The following BAZ2B variants were observed in gnomAD, a reference collection of about 807,000 sequenced individuals.
BAZ2B encodes bromodomain adjacent to zinc finger domain 2B, also known as bromodomain adjacent to zinc finger domain protein 2B.
Under a neutral mutation model 246.0 loss-of-function variants are expected in BAZ2B, and 91 were observed. That is an observed-to-expected ratio of 0.37 (90% CI 0.31 to 0.44). BAZ2B has a LOEUF of 0.44. BAZ2B is among the 20% of genes least tolerant of loss of function. The pLI, the probability that BAZ2B is intolerant of heterozygous loss-of-function variation, is 1.00. For missense variants in BAZ2B, 2,332 were observed against 2,533.7 expected (o/e 0.92, Z 1.71); for synonymous variants, 855 against 860.0 (o/e 0.99, Z 0.10).
chr2:159,448,545 A>C, intron 4 of BAZ2B, 136 bp from the exon 5 acceptor site: 2 of 1,024,116 alleles, frequency 2.0e-6, no homozygotes, highest in South Asian at 3.9e-5. Context: ...CATACTTCTG[A>C]TCATTTTCCT....
At chr2:159,361,149 T>C (rs1249495238) in intron 27 of BAZ2B, among the ~76,000 whole-genome samples, 1 of 152,104 alleles carries the variant, frequency 6.6e-6, no homozygotes, top group Non-Finnish European at 1.5e-5. Context: ...GAAACTATCA[T>C]CAGAGTGAAC....
chr2:159,688,889 C>T, the BAZ2B span, among the ~76,000 whole-genome samples: 66 of 152,226 alleles, frequency 4.3e-4, no homozygotes, highest in African/African-American at 1.4e-3. Flanking sequence ...TGAATCCTGT[C>T]GAGATGCATG....
chr2:159,500,645 T>C (rs1318507925), intron 2 of BAZ2B, among the ~76,000 whole-genome samples: 1 of 152,156 alleles, frequency 6.6e-6, no homozygotes, highest in Non-Finnish European at 1.5e-5. Context: ...TAATATCACC[T>C]GCATTAAAAT....
At chr2:159,660,395 G>T in the BAZ2B span, among the ~76,000 whole-genome samples, 68 of 152,078 alleles carry the variant, frequency 4.5e-4, no homozygotes, top group African/African-American at 1.5e-3. Flanking sequence ...TCCATCTTTT[G>T]GCCATTATGA....
chr2:159,552,603 T>C (rs2088442988), intron 2 of BAZ2B, among the ~76,000 whole-genome samples: 1 of 152,218 alleles, frequency 6.6e-6, no homozygotes, highest in Non-Finnish European at 1.5e-5. Context: ...ACTTGAACTC[T>C]ATAGGTTCTA....
chr2:159,709,223 G>A, the BAZ2B span, among the ~76,000 whole-genome samples: 41 of 151,842 alleles, frequency 2.7e-4, no homozygotes, highest in African/African-American at 8.9e-4. Context: ...GGAGGCCGAG[G>A]CAGGCAGATC....
the BAZ2B span, among the ~76,000 whole-genome samples, chr2:159,677,655 G>A: frequency 2.0e-5 from 3 of 152,098 alleles, no homozygotes; most frequent in Non-Finnish European, 2.9e-5. Context: ...ACAATGGAGA[G>A]TCATTCAAAG....
chr2:159,426,275 A>C (rs1196906053), intron 13 of BAZ2B, among the ~76,000 whole-genome samples: 15 of 152,302 alleles, frequency 9.8e-5, no homozygotes, highest in African/African-American at 3.4e-4. Flanking sequence ...CTGATATAAA[A>C]CTAAAAATCC....
At chr2:159,475,162 C>G (rs1033456689) in intron 3 of BAZ2B, among the ~76,000 whole-genome samples, 11 of 152,158 alleles carry the variant, frequency 7.2e-5, no homozygotes, top group African/African-American at 2.4e-4. Context: ...CAACTTGGTT[C>G]CGTTCTCTTT....
chr2:159,476,880 A>G (rs1366827657), intron 3 of BAZ2B, among the ~76,000 whole-genome samples: 1 of 152,246 alleles, frequency 6.6e-6, no homozygotes, highest in Non-Finnish European at 1.5e-5. Flanking sequence ...ATTTTTGAGC[A>G]CAGTATATCA....
chr2:159,697,982 G>A, the BAZ2B span, among the ~76,000 whole-genome samples: 1 of 152,086 alleles, frequency 6.6e-6, no homozygotes, highest in African/African-American at 2.4e-5. Flanking sequence ...GCCTCCCTCA[G>A]CTTTTGTTTT....
chr2:159,473,554 A>C (rs1047983849), intron 3 of BAZ2B, among the ~76,000 whole-genome samples: 1 of 151,578 alleles, frequency 6.6e-6, no homozygotes, highest in African/African-American at 2.4e-5. Context: ...TTGTTTCTCT[A>C]TCTCCTTCAG....
At position 159,348,725 on chromosome 2, in the gene BAZ2B, T is replaced by C. The variant is rs2058243491; in HGVS notation, c.5246A>G (p.Gln1749Arg). The C allele has an allele frequency of 6.2e-7, 1 of 1,612,686 alleles. No homozygotes were observed. Among genetic ancestry groups the C allele is most frequent in the Non-Finnish European group, 8.5e-7 (1 of 1,179,666 alleles). Residue 1749 changes from glutamine to arginine, a missense_variant, in exon 30 of 37, where the codon CAG becomes CGG. Transcript: ENST00000392783. The part of the protein sequence containing the change: ...IREKALQKQI[Q>R]KHLDYITQAC... ...TTGAGTAATATAATCCAAATGTTTCTGAATTTGTTTTTGTAATGCCTTTTC... is the reference window on the plus strand; with the variant it reads ...TTGAGTAATATAATCCAAATGTTTCCGAATTTGTTTTTGTAATGCCTTTTC...
At chr2:159,627,147 A>G in the BAZ2B span, among the ~76,000 whole-genome samples, 1 of 152,154 alleles carries the variant, frequency 6.6e-6, no homozygotes, top group Non-Finnish European at 1.5e-5. Flanking sequence ...ATAGACCAAT[A>G]ACAAGTTTTG....
chr2:159,411,905 AC>A (rs1305877466), intron 14 of BAZ2B: 9 of 979,922 alleles, frequency 9.2e-6, no homozygotes, highest in Non-Finnish European at 1.1e-5. Flanking sequence ...GGGGTTACTT[AC>A]CAGTAATTGG....
chr2:159,576,683 G>GC (rs1685386177), intron 1 of BAZ2B, among the ~76,000 whole-genome samples: 1 of 151,612 alleles, frequency 6.6e-6, no homozygotes, highest in Admixed American at 6.6e-5. Context: ...GGAGGCTGAG[G>GC]CAGGTGGATC....
At chr2:159,473,123 G>T (rs183911572) in intron 3 of BAZ2B, among the ~76,000 whole-genome samples, 1 of 151,802 alleles carries the variant, frequency 6.6e-6, no homozygotes, top group Non-Finnish European at 1.5e-5. Context: ...CCTGGGCTTC[G>T]TTTGGTTGGT....
At chr2:159,472,869 C>T (rs1295320097) in intron 3 of BAZ2B, among the ~76,000 whole-genome samples, 2 of 152,156 alleles carry the variant, frequency 1.3e-5, no homozygotes, top group African/African-American at 4.8e-5. Flanking sequence ...TTTTGATGTG[C>T]TGCTGGATTC....
At chr2:159,407,348 T>C (rs867844649) in intron 14 of BAZ2B, among the ~76,000 whole-genome samples, 5 of 151,930 alleles carry the variant, frequency 3.3e-5, no homozygotes, top group African/African-American at 1.2e-4. Flanking sequence ...GGTGGGCACC[T>C]GTCATCCCAG....
Sources: allele counts gnomAD v4.1 joint callset (sites outside exome capture counted in the v4.1 genomes callset), GRCh38; gene constraint gnomAD v4.1.1; transcripts MANE v1.5; gene names NCBI Gene and HGNC (gene_info 2026-07-23, HGNC 2026-07-21).